Variants in CTNNA2 observed in about 807,000 individuals in gnomAD.
The protein encoded by CTNNA2 is catenin alpha 2, also known as catenin alpha-2.
CTNNA2 carries 42 observed loss-of-function variants against 101.0 expected under a neutral mutation model. The observed-to-expected ratio is 0.42, with a 90% CI of 0.32 to 0.54. CTNNA2 has a LOEUF of 0.54. Among genes scored for constraint, CTNNA2 ranks in the 20% least tolerant of loss-of-function variants. CTNNA2 has a pLI of 0.14. For missense variants in CTNNA2, 871 were observed against 1,223.1 expected, an observed-to-expected ratio of 0.71 and a Z score of 4.29; for synonymous variants, 450 against 456.4, an observed-to-expected ratio of 0.99 and a Z score of 0.18.
At chr2:79,758,198 CA>C (rs1425682304) in intron 3 of CTNNA2, among the ~76,000 whole-genome samples, 1 of 152,104 alleles carries the variant, frequency 6.6e-6, no homozygotes, top group Admixed American at 6.6e-5. Context: ...ACCTGGTTAT[CA>C]AGCATTTTCT....
At chr2:79,533,893 C>G (rs1672898367) in intron 1 of CTNNA2, among the ~76,000 whole-genome samples, 1 of 152,122 alleles carries the variant, frequency 6.6e-6, no homozygotes, top group African/African-American at 2.4e-5. Flanking sequence ...CACAAAATCT[C>G]TCTACCAATC....
At chr2:79,603,857 T>G (rs1372523033) in intron 1 of CTNNA2, among the ~76,000 whole-genome samples, 1 of 152,166 alleles carries the variant, frequency 6.6e-6, no homozygotes, top group Non-Finnish European at 1.5e-5. Context: ...AAGTTTGTCC[T>G]GATTTGAGCC....
chr2:79,954,822 G>A (rs1156892684), intron 7 of CTNNA2, among the ~76,000 whole-genome samples: 3 of 152,000 alleles, frequency 2.0e-5, no homozygotes, highest in African/African-American at 7.3e-5. Flanking sequence ...TTTCAATATC[G>A]TTGTTATTCA....
intron 7 of CTNNA2, among the ~76,000 whole-genome samples, chr2:80,122,087 G>A (rs1299651309): frequency 2.0e-5 from 3 of 152,134 alleles, no homozygotes; most frequent in Non-Finnish European, 2.9e-5. Context: ...CACTCAGGAC[G>A]CTTGATAAAT....
chr2:80,057,134 C>G (rs1697265518), intron 7 of CTNNA2, among the ~76,000 whole-genome samples: 1 of 148,396 alleles, frequency 6.7e-6, no homozygotes, highest in Non-Finnish European at 1.5e-5. Context: ...TTACATAAAG[C>G]TTTTTAAAAG....
chr2:79,301,518 T>A (rs1485340602), intron 2 of CTNNA2, among the ~76,000 whole-genome samples: 1 of 152,176 alleles, frequency 6.6e-6, no homozygotes, highest in Non-Finnish European at 1.5e-5. Flanking sequence ...ACTACAGGAT[T>A]TTTGGTAATG....
intron 1 of CTNNA2, among the ~76,000 whole-genome samples, chr2:79,560,714 T>C (rs1674723318): frequency 6.6e-6 from 1 of 151,866 alleles, no homozygotes; most frequent in Non-Finnish European, 1.5e-5. Context: ...AGGAAAAGCA[T>C]ATGAAATACC....
At chr2:79,196,862 T>C (rs1466019662) in intron 1 of CTNNA2, among the ~76,000 whole-genome samples, 1 of 152,182 alleles carries the variant, frequency 6.6e-6, no homozygotes, top group Admixed American at 6.5e-5. Flanking sequence ...TTTTGCAGGA[T>C]TATTGTTTAG....
chr2:80,470,331 G>A (rs1685197540), intron 9 of CTNNA2, among the ~76,000 whole-genome samples: 1 of 152,134 alleles, frequency 6.6e-6, no homozygotes, highest in African/African-American at 2.4e-5. Context: ...ACACAGGGCT[G>A]GGGATGGAAA....
intron 3 of CTNNA2, among the ~76,000 whole-genome samples, chr2:79,323,861 T>C (rs1047481664): frequency 4.6e-5 from 7 of 152,156 alleles, no homozygotes; most frequent in Admixed American, 3.3e-4. Flanking sequence ...CTATGGCCAT[T>C]GTTATATCTG....
At chr2:80,238,091 G>A (rs6722071) in intron 7 of CTNNA2, among the ~76,000 whole-genome samples, 18,364 of 152,012 alleles carry the variant, frequency 0.12, 2,617 homozygotes, top group African/African-American at 0.34. Flanking sequence ...GGAAGGAACT[G>A]GTAAGACTCC....
chr2:80,162,631 G>T, intron 7 of CTNNA2: 1 of 1,611,686 alleles, frequency 6.2e-7, no homozygotes, highest in Non-Finnish European at 8.5e-7. Flanking sequence ...GCTAGGTAGG[G>T]ATGAGAATTC....
intron 2 of CTNNA2, among the ~76,000 whole-genome samples, chr2:79,301,395 C>T (rs1676104462): frequency 6.6e-6 from 1 of 152,126 alleles, no homozygotes; most frequent in Non-Finnish European, 1.5e-5. Flanking sequence ...TGACTGGTTA[C>T]TGTGTAGAGC....
intron 7 of CTNNA2, among the ~76,000 whole-genome samples, chr2:80,366,607 T>C (rs796215880): frequency 9.2e-5 from 14 of 152,272 alleles, no homozygotes; most frequent in African/African-American, 3.4e-4. Flanking sequence ...GTGGTGGCCA[T>C]GCATCCACCA....
At chr2:80,531,087 C>G (rs143303355) in intron 9 of CTNNA2, among the ~76,000 whole-genome samples, 12 of 152,188 alleles carry the variant, frequency 7.9e-5, no homozygotes, top group Admixed American at 3.9e-4. Context: ...AGGGAGGGAG[C>G]TGTTAAGGGG....
chr2:79,658,439 T>G (rs1455123402), intron 2 of CTNNA2, among the ~76,000 whole-genome samples: 2 of 152,082 alleles, frequency 1.3e-5, no homozygotes, highest in African/African-American at 4.8e-5. Context: ...TGGTAATGGC[T>G]TTCGCTTAAT....
intron 2 of CTNNA2, among the ~76,000 whole-genome samples, chr2:79,201,648 G>A (rs1674036968): frequency 6.6e-6 from 1 of 152,036 alleles, no homozygotes; most frequent in South Asian, 2.1e-4. Context: ...CTCTGGAGGG[G>A]GAGCTTCCAG....
At chr2:79,764,896 G>A (rs943033260) in intron 3 of CTNNA2, among the ~76,000 whole-genome samples, 8 of 152,196 alleles carry the variant, frequency 5.3e-5, no homozygotes, top group African/African-American at 1.2e-4. Context: ...TTCACTAAGT[G>A]AGGAAAAGAT....
chr2:79,408,292 TA>T (rs1337561892), intron 4 of CTNNA2, among the ~76,000 whole-genome samples: 3 of 22,548 alleles, frequency 1.3e-4, no homozygotes, highest in Admixed American at 3.6e-4. Flanking sequence ...AGAATAAATT[TA>T]TTATTATTAT....
Sources: gnomAD v4.1 joint callset for allele counts (sites outside exome capture counted in the v4.1 genomes callset) on GRCh38, gnomAD v4.1.1 for gene constraint, MANE v1.5 for transcripts, NCBI Gene and HGNC (gene_info 2026-07-23, HGNC 2026-07-21) for gene names.